Variants in DNAH9 observed in about 807,000 individuals in gnomAD.
DNAH9 encodes dynein axonemal heavy chain 9.
Under a neutral mutation model 471.6 loss-of-function variants are expected in DNAH9, and 345 were observed. That is an observed-to-expected ratio of 0.73 (90% CI 0.67 to 0.80). DNAH9 has a LOEUF of 0.80. Ranked by LOEUF, DNAH9 falls within the 30% of genes least tolerant of loss-of-function variation. DNAH9 has a pLI of 0.00. For missense variants in DNAH9, 5,407 were observed against 5,609.2 expected (o/e 0.96, Z 1.15); for synonymous variants, 2,093 against 2,123.6 (o/e 0.99, Z 0.40).
intron 38 of DNAH9, among the ~76,000 whole-genome samples, chr17:11,775,575 T>C (rs562284300): frequency 6.6e-6 from 1 of 151,778 alleles, no homozygotes; most frequent in South Asian, 2.1e-4. Context: ...CAGATGCTAT[T>C]TTTCTCAAAA....
intron 48 of DNAH9, among the ~76,000 whole-genome samples, chr17:11,832,745 G>A (rs1328178813): frequency 6.6e-6 from 1 of 152,150 alleles, no homozygotes; most frequent in Non-Finnish European, 1.5e-5. Context: ...ACTGGAATCT[G>A]TTTGACGTGT....
intron 17 of DNAH9, among the ~76,000 whole-genome samples, chr17:11,670,739 T>G (rs1159467397): frequency 2.0e-5 from 3 of 152,066 alleles, no homozygotes; most frequent in East Asian, 3.9e-4. Flanking sequence ...GTTTTGCTCT[T>G]TTTGCCTAGG....
intron 67 of DNAH9, among the ~76,000 whole-genome samples, chr17:11,954,830 T>C (rs1287381577): frequency 6.7e-6 from 1 of 149,056 alleles, no homozygotes; most frequent in African/African-American, 2.5e-5. Flanking sequence ...AAATGATATA[T>C]GGAAATTTGG....
At chr17:11,926,035 GAAAAAAAAAAAAAAAA>G in intron 62 of DNAH9, among the ~76,000 whole-genome samples, 1 of 59,916 alleles carries the variant, frequency 1.7e-5, no homozygotes, top group South Asian at 7.8e-4. Context: ...GAGATTCTCT[GAAAAAAAAAAAAAAAA>G]AAAAAAAAAA....
Position 11,636,653 on chromosome 17 carries a change from ACCT to A in DNAH9, c.1659_1661del (p.Leu554del). On this transcript the variant is annotated inframe_deletion, in exon 9 of 69. Transcript: ENST00000262442. The stretch of plus-strand genomic sequence containing the variant: ...CTACAGCTGCTAGACATAGCAGGAA[ACCT>A]CCTTGAAAGACCGCTGGTAGCGAGG... The A allele has an allele frequency of 6.2e-7, 1 of 1,613,976 alleles. No homozygotes were observed. The highest frequency in any genetic ancestry group is 2.2e-5 in the East Asian group (1 of 44,876).
rs925827491 is a variant in DNAH9 at position 11,858,784 on chromosome 17, T to G, written c.9933+4356T>G. 1.1e-4 allele frequency among the ~76,000 whole-genome samples: 16 copies of G among 152,120 alleles called. No individual in the cohort carries two copies. The South Asian group carries it at 1.9e-3, about 18-fold the overall frequency. The stretch of plus-strand genomic sequence containing the variant: ...TAGGTTAGCACAGAAGTTATTGTGG[T>G]TTTTGCCATTACTTTAATGGCCGGC... On this transcript the variant is annotated intron_variant, in intron 50 of 68. Coordinates refer to ENST00000262442, the MANE Select transcript of DNAH9 (RefSeq NM_001372.4).
intron 49 of DNAH9, among the ~76,000 whole-genome samples, chr17:11,844,999 CTTTTTT>C (rs1027183588): frequency 6.9e-6 from 1 of 144,842 alleles, no homozygotes; most frequent in African/African-American, 2.5e-5. Context: ...TTTTTACCAT[CTTTTTT>C]TTTTTATTTA....
intron 59 of DNAH9, 120 bp from the exon 60 acceptor site, chr17:11,902,599 C>T (rs1314289513): frequency 1.0e-6 from 1 of 977,802 alleles, no homozygotes; most frequent in Non-Finnish European, 1.5e-6. Flanking sequence ...AAGCTCTAGA[C>T]AAGAGTATAA....
At chr17:11,805,342 G>A (rs910171655) in intron 43 of DNAH9, among the ~76,000 whole-genome samples, 5 of 151,890 alleles carry the variant, frequency 3.3e-5, no homozygotes, top group Non-Finnish European at 5.9e-5. Flanking sequence ...ACCAAAACCC[G>A]TGTCCAGAGT....
intron 50 of DNAH9, among the ~76,000 whole-genome samples, chr17:11,863,005 C>A (rs1971915606): frequency 6.6e-6 from 1 of 151,994 alleles, no homozygotes; most frequent in Non-Finnish European, 1.5e-5. Context: ...AATTGAATAC[C>A]CTTTATTTCC....
intron 67 of DNAH9, among the ~76,000 whole-genome samples, chr17:11,958,497 A>G (rs1156643547): frequency 6.6e-6 from 1 of 152,224 alleles, no homozygotes; most frequent in African/African-American, 2.4e-5. Flanking sequence ...TGGTAGATAC[A>G]TGTCATTATA....
At chr17:11,692,466 C>T (rs1002802730) in intron 20 of DNAH9, among the ~76,000 whole-genome samples, 10 of 152,072 alleles carry the variant, frequency 6.6e-5, no homozygotes, top group African/African-American at 9.7e-5. Context: ...ATGTTGACAA[C>T]GGATTACTTT....
chr17:11,887,614 G>A (rs1972917833), intron 57 of DNAH9, among the ~76,000 whole-genome samples: 1 of 152,138 alleles, frequency 6.6e-6, no homozygotes. Flanking sequence ...AGGAGGTAGT[G>A]AAGCATTTCT....
intron 17 of DNAH9, among the ~76,000 whole-genome samples, chr17:11,670,353 A>G (rs753835226): frequency 2.0e-5 from 3 of 152,156 alleles, no homozygotes; most frequent in Non-Finnish European, 4.4e-5. Flanking sequence ...TGAATGAATA[A>G]TCCATGTAGT....
chr17:11,800,558 C>T (rs990445786), intron 43 of DNAH9, among the ~76,000 whole-genome samples: 4 of 152,302 alleles, frequency 2.6e-5, no homozygotes, highest in Non-Finnish European at 2.9e-5. Context: ...CTATCCGCAA[C>T]GACACTCATC....
At chr17:11,600,416 T>C (rs907657593) in intron 1 of DNAH9, among the ~76,000 whole-genome samples, 32 of 152,250 alleles carry the variant, frequency 2.1e-4, no homozygotes, top group African/African-American at 7.7e-4. Flanking sequence ...TTTAACCTAG[T>C]GTATGTGGGA....
chr17:11,749,545 C>G (rs1215318341), intron 32 of DNAH9, among the ~76,000 whole-genome samples: 1 of 151,456 alleles, frequency 6.6e-6, no homozygotes, highest in African/African-American at 2.4e-5. Flanking sequence ...TCTGGGATTT[C>G]TATTAGTTTA....
At chr17:11,918,205 T>TTTTTG (rs200370741) in intron 61 of DNAH9, among the ~76,000 whole-genome samples, 47,552 of 147,342 alleles carry the variant, frequency 0.32, 7,984 homozygotes, top group Non-Finnish European at 0.36. Flanking sequence ...GTTGGGTGTT[T>TTTTTG]TTTTGTTTTG....
intron 36 of DNAH9, 106 bp downstream of exon 36, chr17:11,763,720 C>T (rs1384416696): frequency 1.4e-5 from 16 of 1,137,460 alleles, no homozygotes; most frequent in Non-Finnish European, 2.0e-5. Context: ...TCAGAATGGA[C>T]TTGAAAGCAG....
Sources: gnomAD v4.1 joint callset for allele counts (sites outside exome capture counted in the v4.1 genomes callset) on GRCh38, gnomAD v4.1.1 for gene constraint, MANE v1.5 for transcripts, NCBI Gene and HGNC (gene_info 2026-07-23, HGNC 2026-07-21) for gene names.